The following L3MBTL4 variants were observed in gnomAD, a reference collection of about 807,000 sequenced individuals.
The protein encoded by L3MBTL4 is L3MBTL histone methyl-lysine binding protein 4, also known as lethal(3)malignant brain tumor-like protein 4.
A neutral mutation model predicts 84.5 loss-of-function variants in L3MBTL4; 70 were observed. The ratio of observed to expected loss-of-function variants is 0.83; its 90% CI spans 0.68 to 1.01. L3MBTL4 has a LOEUF of 1.01. Among genes scored for constraint, L3MBTL4 ranks in the 50% least tolerant of loss-of-function variants. The pLI, the probability that L3MBTL4 is intolerant of heterozygous loss-of-function variation, is 0.00. For missense variants in L3MBTL4, 715 were observed against 754.8 expected (o/e 0.95, Z 0.62); for synonymous variants, 274 against 259.8 (o/e 1.05, Z -0.52).
Position 6,244,496 on chromosome 18 carries a change from A to G in L3MBTL4, c.312T>C (p.Leu104=). The G allele has an allele frequency of 6.2e-7, 1 of 1,611,250 alleles. No homozygotes were observed. Among genetic ancestry groups the G allele is most frequent in the Non-Finnish European group, 8.5e-7 (1 of 1,177,436 alleles). Residue 104 remains leucine (L), a synonymous_variant, in exon 6 of 19, where the codon CTT becomes CTC. Coordinates refer to ENST00000317931, the MANE Select transcript of L3MBTL4 (RefSeq NM_001330559.2). The part of the protein sequence containing the change: ...DPRHPSVFCV[L]SVAEVCGYRL... ...CACCACCTCTTACCTCCGCTACAGAAAGCACACAGAATACCGATGGATGTC... is the reference window on the plus strand; with the variant it reads ...CACCACCTCTTACCTCCGCTACAGAGAGCACACAGAATACCGATGGATGTC...
intron 16 of L3MBTL4, among the ~76,000 whole-genome samples, chr18:6,008,947 G>T (rs187037936): frequency 2.2e-4 from 33 of 152,298 alleles, no homozygotes; most frequent in African/African-American, 2.4e-4. Flanking sequence ...CCATTTCAGG[G>T]TTTAACACTC....
rs567986304 is a variant in L3MBTL4 at position 5,976,194 on chromosome 18, G to C, written c.1445-6632C>G. Reference sequence around the variant, plus strand: ...TGTGCTATAGTACCTCCTGGATTTTGATCACTTAGTAGAAAAAGCAGAATG... The same window carrying C: ...TGTGCTATAGTACCTCCTGGATTTTCATCACTTAGTAGAAAAAGCAGAATG... On this transcript the variant is annotated intron_variant, in intron 16 of 18. Transcript: ENST00000317931. 2.6e-5 allele frequency among the ~76,000 whole-genome samples: 4 copies of C among 152,294 alleles called. No individual in the cohort carries two copies. In the East Asian group the frequency reaches 7.7e-4, roughly 29 times the overall value.
chr18:6,372,395 G>A (rs2054192444), intron 1 of L3MBTL4, among the ~76,000 whole-genome samples: 2 of 152,130 alleles, frequency 1.3e-5, no homozygotes, highest in African/African-American at 2.4e-5. Context: ...GGAGTCTTGT[G>A]TCCTCTGCCA....
intron 9 of L3MBTL4, 72 bp downstream of exon 9, chr18:6,239,646 G>T (rs1568364195): frequency 8.1e-6 from 12 of 1,488,428 alleles, no homozygotes; most frequent in Non-Finnish European, 1.0e-5. Flanking sequence ...CAGCAACAGT[G>T]CTAGAATGAA....
At chr18:6,022,770 A>T (rs78607494) in intron 16 of L3MBTL4, among the ~76,000 whole-genome samples, 6,195 of 152,304 alleles carry the variant, frequency 0.041, 165 homozygotes, top group East Asian at 0.071. Context: ...TGAAATCCAA[A>T]GTTTATGCAT....
At chr18:6,071,823 A>AAAGAAAGAAAG (rs1598640552) in intron 16 of L3MBTL4, among the ~76,000 whole-genome samples, 23 of 134,924 alleles carry the variant, frequency 1.7e-4, no homozygotes, top group South Asian at 6.8e-4. Flanking sequence ...AAGGAAAGAA[A>AAAGAAAGAAAG]GAAAGAAAGA....
intron 14 of L3MBTL4, among the ~76,000 whole-genome samples, chr18:6,102,717 GAA>G (rs1227058357): frequency 6.6e-6 from 1 of 152,166 alleles, no homozygotes; most frequent in Non-Finnish European, 1.5e-5. Context: ...AGAAATAGAT[GAA>G]CATGAAGGGC....
chr18:6,133,624 C>T (rs1164536141), intron 14 of L3MBTL4, among the ~76,000 whole-genome samples: 1 of 152,064 alleles, frequency 6.6e-6, no homozygotes, highest in African/African-American at 2.4e-5. Context: ...GGTAGCTAGG[C>T]AGACATGAGC....
intron 14 of L3MBTL4, among the ~76,000 whole-genome samples, chr18:6,117,004 A>T (rs1289611301): frequency 6.6e-6 from 1 of 152,142 alleles, no homozygotes; most frequent in African/African-American, 2.4e-5. Flanking sequence ...GCATTACACC[A>T]TATGCATTGC....
At chr18:6,383,514 G>A (rs1375035000) in intron 1 of L3MBTL4, among the ~76,000 whole-genome samples, 1 of 152,166 alleles carries the variant, frequency 6.6e-6, no homozygotes, top group East Asian at 1.9e-4. Flanking sequence ...GGGCTGGAGT[G>A]CACAGTTCCT....
intron 15 of L3MBTL4, among the ~76,000 whole-genome samples, chr18:6,088,234 A>AGGACT (rs1454416589): frequency 6.6e-6 from 1 of 152,186 alleles, no homozygotes; most frequent in African/African-American, 2.4e-5. Context: ...TAGCAAGGAT[A>AGGACT]GGACTGGACT....
chr18:6,251,846 T>G (rs539027015), intron 5 of L3MBTL4, among the ~76,000 whole-genome samples: 41 of 152,154 alleles, frequency 2.7e-4, no homozygotes, highest in Admixed American at 2.4e-3. Flanking sequence ...GAATTTAATA[T>G]AAATAAAGGT....
chr18:6,056,693 C>T lies in L3MBTL4; in HGVS notation c.1444+24188G>A, dbSNP rs557466288. Among the ~76,000 whole-genome samples, 5 of 152,194 alleles carry T rather than the reference C, an allele frequency of 3.3e-5. No individual in the cohort carries two copies. The South Asian group carries it at 8.3e-4, about 25-fold the overall frequency. On this transcript the variant is annotated intron_variant, in intron 16 of 18. Coordinates refer to ENST00000317931, the MANE Select transcript of L3MBTL4 (RefSeq NM_001330559.2). The stretch of plus-strand genomic sequence containing the variant: ...CAACCCCACTTCTAATGGCACTTTC[C>T]GTGAAACCACACAGTCAGTTAACTC...
chr18:6,315,715 A>G (rs915896053), intron 1 of L3MBTL4, among the ~76,000 whole-genome samples: 11 of 152,152 alleles, frequency 7.2e-5, no homozygotes, highest in African/African-American at 2.4e-4. Context: ...TGCCACACAC[A>G]ATGATTTAAG....
intron 13 of L3MBTL4, among the ~76,000 whole-genome samples, chr18:6,170,343 A>G (rs1000565793): frequency 6.6e-6 from 1 of 152,194 alleles, no homozygotes; most frequent in Non-Finnish European, 1.5e-5. Context: ...TAGCATTGAG[A>G]AGATGCACTG....
intron 1 of L3MBTL4, among the ~76,000 whole-genome samples, chr18:6,346,048 C>T (rs1010999847): frequency 2.1e-5 from 3 of 146,274 alleles, no homozygotes; most frequent in Non-Finnish European, 4.5e-5. Flanking sequence ...TTTTTGACAA[C>T]GGCAGTGAGA....
At chr18:6,129,440 GT>G (rs1568169478) in intron 14 of L3MBTL4, among the ~76,000 whole-genome samples, 3 of 146,930 alleles carry the variant, frequency 2.0e-5, no homozygotes. Context: ...ATTAAGTTTG[GT>G]ATTTCTTCCC....
intron 12 of L3MBTL4, among the ~76,000 whole-genome samples, chr18:6,207,392 C>T (rs1276307457): frequency 1.3e-5 from 2 of 152,192 alleles, no homozygotes; most frequent in Non-Finnish European, 2.9e-5. Context: ...AAGCTTTCTG[C>T]GCCTATTTCC....
chr18:6,152,640 A>T (rs980610119), intron 13 of L3MBTL4, among the ~76,000 whole-genome samples: 3 of 152,136 alleles, frequency 2.0e-5, no homozygotes, highest in Admixed American at 6.5e-5. Flanking sequence ...CCTTATATAC[A>T]TGGAGATAAC....
Sources: allele counts gnomAD v4.1 joint callset (sites outside exome capture counted in the v4.1 genomes callset), GRCh38; gene constraint gnomAD v4.1.1; transcripts MANE v1.5; gene names NCBI Gene and HGNC (gene_info 2026-07-23, HGNC 2026-07-21).